The following UNC80 variants were observed in gnomAD, a reference collection of about 807,000 sequenced individuals.
UNC80 encodes unc-80 subunit of NALCN channel complex.
In UNC80, 164 loss-of-function variants were observed where a neutral mutation model predicts 384.6. The ratio of observed to expected loss-of-function variants is 0.43; its 90% confidence interval spans 0.38 to 0.49. UNC80 has a LOEUF of 0.49. Among genes scored for constraint, UNC80 ranks in the 20% least tolerant of loss-of-function variants. The pLI, the probability that UNC80 is intolerant of heterozygous loss-of-function variation, is 0.00. For missense variants in UNC80, 3,330 were observed against 4,143.0 expected, an observed-to-expected ratio of 0.80 and a Z score of 5.39; for synonymous variants, 1,486 against 1,527.8, an observed-to-expected ratio of 0.97 and a Z score of 0.64.
intron 14 of UNC80, among the ~76,000 whole-genome samples, chr2:209,828,590 G>A (rs540064389): frequency 6.6e-6 from 1 of 151,532 alleles, no homozygotes; most frequent in South Asian, 2.1e-4. Flanking sequence ...TTTTCTTCTG[G>A]GCCACAATTA....
chr2:209,926,870 C>T lies in UNC80; in HGVS notation c.5690C>T (p.Pro1897Leu), dbSNP rs375408625. 188 of 1,552,096 alleles carry T rather than the reference C, an allele frequency of 1.2e-4. No individual in the cohort carries two copies. Among genetic ancestry groups the T allele is most frequent in the Middle Eastern group, 1.7e-4 (1 of 6,018 alleles). The change falls in exon 36 of 65, where the codon CCG becomes CTG. Residue 1897 changes from proline (P) to leucine (L), a missense_variant. Physicochemically the swap from Pro to Leu is moderately conservative, Grantham distance 98. Coordinates refer to ENST00000673920, the MANE Select transcript of UNC80 (RefSeq NM_001371986.1). ...EDEEHTTEHTPNHHVPQPPQA... is the reference protein window; with the variant it reads ...EDEEHTTEHTLNHHVPQPPQA... ...GAGGAACATACCACTGAACACACGC[C>T]GAACCACCATGTGCCTCAGCCCCCA...
chr2:209,993,039 A>C (rs2093420251), intron 62 of UNC80, among the ~76,000 whole-genome samples: 1 of 152,224 alleles, frequency 6.6e-6, no homozygotes, highest in Non-Finnish European at 1.5e-5. Flanking sequence ...ATAGTTATTC[A>C]CTTTGCATCC....
At chr2:209,797,054 TA>T (rs1415032546) in intron 7 of UNC80, among the ~76,000 whole-genome samples, 1 of 152,248 alleles carries the variant, frequency 6.6e-6, no homozygotes, top group African/African-American at 2.4e-5. Context: ...ACATTTCATA[TA>T]AATGAATTCA....
chr2:209,982,068 A>C, intron 59 of UNC80, 111 bp from the exon 60 acceptor site: 1 of 1,024,058 alleles, frequency 9.8e-7, no homozygotes, highest in Non-Finnish European at 1.4e-6. Flanking sequence ...AGATTTACAC[A>C]CAGCCCTAAG....
At chr2:209,899,567 A>G (rs970928340) in intron 28 of UNC80, among the ~76,000 whole-genome samples, 1 of 152,174 alleles carries the variant, frequency 6.6e-6, no homozygotes, top group African/African-American at 2.4e-5. Flanking sequence ...TCTGGCAGAC[A>G]ACAAAGAAGC....
chr2:209,785,328 A>G (rs903699212), intron 4 of UNC80, among the ~76,000 whole-genome samples: 1 of 152,246 alleles, frequency 6.6e-6, no homozygotes, highest in Non-Finnish European at 1.5e-5. Flanking sequence ...CTTATACAAT[A>G]TGATAGCAGA....
At chr2:209,807,466 G>A (rs779265520) in intron 7 of UNC80, among the ~76,000 whole-genome samples, 47 of 149,498 alleles carry the variant, frequency 3.1e-4, no homozygotes, top group Non-Finnish European at 6.1e-4. Context: ...CTGGGTTCAC[G>A]CCATTCTTCT....
intron 37 of UNC80, among the ~76,000 whole-genome samples, chr2:209,930,477 G>A (rs1221594347): frequency 6.6e-6 from 1 of 152,144 alleles, no homozygotes; most frequent in Non-Finnish European, 1.5e-5. Flanking sequence ...TTTAGTTTCT[G>A]AAAGGTAAAG....
At position 209,903,553 on chromosome 2, in the gene UNC80, A is replaced by ATATATATAC. The variant is rs2087753178; in HGVS notation, c.4582-1204_4582-1203insCTATATATA. Among the ~76,000 whole-genome samples, 4 of 1,234 alleles carry ATATATATAC rather than the reference A, an allele frequency of 3.2e-3. 1 individual carries two copies. Among genetic ancestry groups the ATATATATAC allele is most frequent in the African/African-American group, 9.5e-3 (4 of 422 alleles). 0.8% of individuals were successfully genotyped at this position (1,234 alleles called of 152,430 possible). ...ATATATTATATATAGTATATATGTA[A>ATATATATAC]TATATATATACTATATATATAGTAT... is the stretch of plus-strand genomic sequence containing the variant. On this transcript the variant is annotated intron_variant, in intron 28 of 64. Coordinates refer to ENST00000673920, the MANE Select transcript of UNC80 (RefSeq NM_001371986.1).
At position 209,903,320 on chromosome 2, in the gene UNC80, A is replaced by G. The variant is rs545995778; in HGVS notation, c.4582-1445A>G. On this transcript the variant is annotated intron_variant, in intron 28 of 64. Transcript: ENST00000673920. ...ATATACAATATATATATTATATTAT[A>G]TGTGTGTGTGTGTGTGTGTGTGTGT... 7.6e-3 allele frequency among the ~76,000 whole-genome samples: 799 copies of G among 105,786 alleles called. 10 individuals carry two copies. The highest frequency in any genetic ancestry group is 0.011 in the Non-Finnish European group (610 of 55,076). The allele number at this position is 105,786 out of a possible 152,430, so 69.4% of individuals were successfully genotyped here.
intron 36 of UNC80, 27 bp from the exon 37 acceptor site, chr2:209,929,844 A>G (rs1362290845): frequency 3.4e-6 from 5 of 1,460,050 alleles, no homozygotes; most frequent in Non-Finnish European, 4.6e-6. Flanking sequence ...TTAAAGACAA[A>G]TGTTCAACTT....
rs1191523364 is a variant in UNC80 at position 209,900,962 on chromosome 2, A to G, written c.4582-3803A>G. On this transcript the variant is annotated intron_variant, in intron 28 of 64. Transcript: ENST00000673920. ...GGGCTGAGAAAGGGGAAGAAGCTGTATAAGAAAAGTCTGAAGTTAGCAGAG... is the reference window on the plus strand; with the variant it reads ...GGGCTGAGAAAGGGGAAGAAGCTGTGTAAGAAAAGTCTGAAGTTAGCAGAG... Among the ~76,000 whole-genome samples, 5 of 152,240 alleles carry G rather than the reference A, an allele frequency of 3.3e-5. 1 individual carries two copies. Among genetic ancestry groups the G allele is most frequent in the Non-Finnish European group, 4.4e-5 (3 of 68,034 alleles).
rs190768492 is a variant in UNC80 at position 209,957,092 on chromosome 2, C to T, written c.7458-552C>T. Among the ~76,000 whole-genome samples the T allele has an allele frequency of 3.9e-3, 599 of 152,336 alleles. 3 individuals are homozygous for T. The highest frequency in any genetic ancestry group is 7.2e-3 in the Non-Finnish European group (488 of 68,028). ...AGATATAAAATGAGATGATTCAAAT[C>T]TATTACTAACGATCTAAATTACTGA... On this transcript the variant is annotated intron_variant, in intron 48 of 64. Transcript: ENST00000673920.
intron 16 of UNC80, among the ~76,000 whole-genome samples, chr2:209,833,457 T>C (rs2081137905): frequency 6.6e-6 from 1 of 152,216 alleles, no homozygotes; most frequent in South Asian, 2.1e-4. Context: ...CGAGTTCATG[T>C]TCAAATGGGC....
Position 209,919,099 on chromosome 2 carries a change from T to C in UNC80, c.5343+436T>C, listed in dbSNP as rs565393030. ...TTCTTCATTTTGTTGATTATCAGTG[T>C]CATCATCACAGACATCACTCTGACA... On this transcript the variant is annotated intron_variant, in intron 33 of 64. Transcript: ENST00000673920. 3.3e-5 allele frequency among the ~76,000 whole-genome samples: 5 copies of C among 152,308 alleles called. No individual in the cohort carries two copies. In the South Asian group the frequency reaches 1.0e-3, roughly 32 times the overall value.
intron 59 of UNC80, among the ~76,000 whole-genome samples, chr2:209,979,316 T>TTAAATTGTGCCATTACACTATGAAGGC (rs55881772): frequency 0.023 from 3,514 of 152,346 alleles, 63 homozygotes; most frequent in Non-Finnish European, 0.036. Flanking sequence ...CTTTTTCCAC[T>TTAAATTGTGCCATTACACTATGAAGGC]AACTCCCATT....
At chr2:209,862,997 CT>C (rs1347158201) in intron 22 of UNC80, among the ~76,000 whole-genome samples, 2 of 152,082 alleles carry the variant, frequency 1.3e-5, no homozygotes, top group East Asian at 1.9e-4. Context: ...ATATTTAGTG[CT>C]TCTTTCAGGA....
At chr2:209,853,029 A>G (rs892029681) in intron 22 of UNC80, among the ~76,000 whole-genome samples, 33 of 152,276 alleles carry the variant, frequency 2.2e-4, no homozygotes, top group Middle Eastern at 3.4e-3. Context: ...AGATACAGAT[A>G]TAGATATAGA....
chr2:209,847,485 A>G (rs1023066978), intron 21 of UNC80, among the ~76,000 whole-genome samples: 1 of 152,012 alleles, frequency 6.6e-6, no homozygotes, highest in African/African-American at 2.4e-5. Flanking sequence ...TCCTGTGCTT[A>G]TAGGATTCTG....
Sources: gnomAD v4.1 joint callset for allele counts (sites outside exome capture counted in the v4.1 genomes callset) on GRCh38, gnomAD v4.1.1 for gene constraint, MANE v1.5 for transcripts, NCBI Gene and HGNC (gene_info 2026-07-23, HGNC 2026-07-21) for gene names.